The following DENND2B variants were observed in gnomAD, a reference collection of about 807,000 sequenced individuals.
The protein encoded by DENND2B is DENN domain-containing protein 2B.
A neutral mutation model predicts 116.0 loss-of-function variants in DENND2B; 32 were observed. The ratio of observed to expected loss-of-function variants is 0.28; its 90% CI spans 0.21 to 0.37. The LOEUF (loss-of-function observed/expected upper bound fraction) is 0.37, where lower values mean the gene tolerates loss of function less well. Ranked by LOEUF, DENND2B falls within the 10% of genes least tolerant of loss-of-function variation. The pLI is 1.00. For synonymous variants in DENND2B, 588 were observed against 583.9 expected (o/e 1.01, Z -0.10); for missense variants, 1,276 against 1,477.7 (o/e 0.86, Z 2.24).
Position 8,897,091 on chromosome 11 carries a change from A to T in DENND2B, c.-256+13730T>A, listed in dbSNP as rs568874735. Among the ~76,000 whole-genome samples the T allele has an allele frequency of 3.3e-3, 491 of 150,828 alleles. 3 individuals carry two copies. The highest frequency in any genetic ancestry group is 9.3e-3 in the African/African-American group (383 of 41,120). On this transcript the variant is annotated intron_variant, in intron 1 of 22. Transcript: ENST00000534127. The stretch of plus-strand genomic sequence containing the variant: ...CATCTCTACAAAAAATACAAAAAAA[A>T]TTTTTTTTTTTAAAAACTAGCCAGG...
At chr11:8,735,783 G>T (rs562455825) in intron 2 of DENND2B, among the ~76,000 whole-genome samples, 41 of 152,342 alleles carry the variant, frequency 2.7e-4, no homozygotes, top group African/African-American at 9.1e-4. Context: ...GGGAACACTA[G>T]GGAGGCTTCA....
At chr11:8,907,159 G>A (rs2064249553) in intron 1 of DENND2B, among the ~76,000 whole-genome samples, 1 of 152,124 alleles carries the variant, frequency 6.6e-6, no homozygotes, top group African/African-American at 2.4e-5. Context: ...ACTTTCATCT[G>A]TTCTCATTAG....
intron 16 of DENND2B, among the ~76,000 whole-genome samples, chr11:8,698,136 C>CAA (rs1412965901): frequency 9.4e-5 from 1 of 10,594 alleles, no homozygotes; most frequent in Admixed American, 2.2e-3. Flanking sequence ...GACCCTGTCT[C>CAA]CAAAAAAAAA....
At chr11:8,901,229 C>CTTTTCTTTTCTTTTCT (rs781408078) in intron 1 of DENND2B, among the ~76,000 whole-genome samples, 22 of 83,926 alleles carry the variant, frequency 2.6e-4, no homozygotes, top group African/African-American at 4.3e-4. Flanking sequence ...CTTTTCTTTT[C>CTTTTCTTTTCTTTTCT]TTTTTTTTTT....
chr11:8,695,718 C>T (rs762223316), intron 18 of DENND2B, 169 bp from the exon 19 acceptor site: 31 of 618,270 alleles, frequency 5.0e-5, no homozygotes, highest in Middle Eastern at 4.3e-4. Flanking sequence ...CTCATCAAGG[C>T]GATCATTAGT....
At position 8,902,197 on chromosome 11, in the gene DENND2B, G is replaced by A. The variant is rs548257272; in HGVS notation, c.-256+8624C>T. Among the ~76,000 whole-genome samples the A allele has an allele frequency of 1.8e-3, 281 of 152,026 alleles. 1 individual carries two copies. The highest frequency in any genetic ancestry group is 6.5e-3 in the African/African-American group (270 of 41,458). ...AAAAAGTAGCCGGGTGTGGTGGCAC[G>A]CGCCTGTAATCCCAGCTACTCAGGA... On this transcript the variant is annotated intron_variant, in intron 1 of 22. Transcript: ENST00000534127.
At chr11:8,710,935 G>A (rs2043542700) in intron 10 of DENND2B, 21 bp from the exon 11 acceptor site, 1 of 1,613,754 alleles carries the variant, frequency 6.2e-7, no homozygotes, top group Non-Finnish European at 8.5e-7. Context: ...GAGAGGTCTG[G>A]CATCAGGGAG....
At chr11:8,902,373 G>A (rs1566093327) in intron 1 of DENND2B, among the ~76,000 whole-genome samples, 1 of 151,554 alleles carries the variant, frequency 6.6e-6, no homozygotes, top group Non-Finnish European at 1.5e-5. Context: ...AACTACCACT[G>A]TTGAATTGTC....
chr11:8,708,046 G>A lies in DENND2B; in HGVS notation c.2353-192C>T, dbSNP rs2042927212. 8.6e-6 allele frequency: 13 copies of A among 1,508,462 alleles called. No homozygotes were observed. In the Admixed American group the frequency reaches 2.6e-4, roughly 30 times the overall value. The allele number at this position is 1,508,462 out of a possible 1,614,324, so 93.4% of individuals were successfully genotyped here. On this transcript the variant is annotated intron_variant, in intron 11 of 19. Coordinates refer to ENST00000313726, the MANE Select transcript of DENND2B (RefSeq NM_213618.2). ...GCCACCACTCTCAGGACAGGCCTCA[G>A]CTCTGCAGGGTCTCCCAGCACCAGG...
chr11:8,901,250 G>A (rs1460801303), intron 1 of DENND2B, among the ~76,000 whole-genome samples: 2 of 5,928 alleles, frequency 3.4e-4, no homozygotes, highest in African/African-American at 1.2e-3. Flanking sequence ...TTTTTTTTGA[G>A]ATGGAGTCTT....
chr11:8,723,521 C>A (rs2046552748), intron 4 of DENND2B, among the ~76,000 whole-genome samples: 1 of 152,058 alleles, frequency 6.6e-6, no homozygotes, highest in Non-Finnish European at 1.5e-5. Flanking sequence ...TAGGCCTCTG[C>A]CTACTCACTC....
At chr11:8,806,061 C>T (rs1023845208) in intron 1 of DENND2B, among the ~76,000 whole-genome samples, 6 of 152,008 alleles carry the variant, frequency 3.9e-5, no homozygotes, top group African/African-American at 9.7e-5. Flanking sequence ...TGTAGGCCTC[C>T]GAGGTCAGCC....
chr11:8,863,466 C>A (rs373999793), intron 2 of DENND2B, among the ~76,000 whole-genome samples: 3 of 151,908 alleles, frequency 2.0e-5, no homozygotes, highest in East Asian at 3.9e-4. Context: ...ATCTCCTGAC[C>A]TTGAGATCCG....
In DENND2B at chr11:8,730,963, G is replaced by C. The variant is rs1338202136; in HGVS notation, c.327C>G (p.Cys109Trp). 1 of 1,614,222 alleles carries C rather than the reference G, an allele frequency of 6.2e-7. No homozygotes were observed. ...CACTTTCCTTTTGGGCGTCTCTCTT[G>C]CACGCCGAAGGGCTTCTGTCCAAAT... ...FGYLDRSPSA[C>W]KRDAQKESVQ... Residue 109 changes from cysteine (C) to tryptophan (W), a missense_variant, in exon 3 of 20, where the codon TGC becomes TGG. Cys to Trp is a radical substitution (Grantham distance 215). Transcript: ENST00000313726. The surrounding 1 kb of genome is among the most constrained non-coding windows in gnomAD (Gnocchi z 4.1).
intron 1 of DENND2B, among the ~76,000 whole-genome samples, chr11:8,903,932 T>C (rs1440305277): frequency 7.1e-6 from 1 of 140,372 alleles, no homozygotes; most frequent in Non-Finnish European, 1.6e-5. Context: ...AAAATATAAG[T>C]AGACCTAAAA....
At chr11:8,815,784 G>A (rs2061548902) in intron 4 of DENND2B, among the ~76,000 whole-genome samples, 1 of 152,162 alleles carries the variant, frequency 6.6e-6, no homozygotes, top group African/African-American at 2.4e-5. Flanking sequence ...GCTCCTCGAG[G>A]TGTATCCACT....
intron 3 of DENND2B, among the ~76,000 whole-genome samples, chr11:8,844,948 C>T (rs1003244715): frequency 3.9e-5 from 6 of 151,970 alleles, no homozygotes; most frequent in African/African-American, 1.5e-4. Context: ...TGCTTTGTTG[C>T]CCAGGCTGGT....
chr11:8,881,584 G>A (rs1344606724), intron 1 of DENND2B, among the ~76,000 whole-genome samples: 1 of 152,174 alleles, frequency 6.6e-6, no homozygotes, highest in Non-Finnish European at 1.5e-5. Context: ...CACCCAGGCT[G>A]GAGTGTAGTG....
At chr11:8,815,249 T>C (rs2061528464), upstream of DENND2B, among the ~76,000 whole-genome samples, 1 of 152,120 alleles carries the variant, frequency 6.6e-6, no homozygotes, top group South Asian at 2.1e-4. Flanking sequence ...AAAAGTCTTA[T>C]GTTTCATAAT....
Sources: allele counts gnomAD v4.1 joint callset (sites outside exome capture counted in the v4.1 genomes callset), GRCh38; gene constraint gnomAD v4.1.1; non-coding constraint Gnocchi (gnomAD v3.1); transcripts MANE v1.5; gene names NCBI Gene and HGNC (gene_info 2026-07-23, HGNC 2026-07-21).